Variants in SGCZ observed in about 807,000 individuals in gnomAD.
SGCZ encodes sarcoglycan zeta.
In SGCZ, 40 loss-of-function variants were observed where a neutral mutation model predicts 41.3. The ratio of observed to expected loss-of-function variants is 0.97; its 90% CI spans 0.75 to 1.26. The LOEUF (loss-of-function observed/expected upper bound fraction) is 1.26. Among genes scored for constraint, SGCZ ranks in the 50% most tolerant of loss-of-function variants. SGCZ has a pLI of 0.00. For synonymous variants in SGCZ, 206 were observed against 137.5 expected, an observed-to-expected ratio of 1.50 and a Z score of -3.49; for missense variants, 552 against 369.8, an observed-to-expected ratio of 1.49 and a Z score of -4.04.
intron 2 of SGCZ, among the ~76,000 whole-genome samples, chr8:14,544,112 G>A (rs746284389): frequency 3.3e-5 from 5 of 152,080 alleles, no homozygotes; most frequent in Non-Finnish European, 7.4e-5. Context: ...GACCCCAAAC[G>A]GAGGGACTGG....
intron 1 of SGCZ, among the ~76,000 whole-genome samples, chr8:14,674,964 A>G (rs1585173242): frequency 2.8e-5 from 2 of 71,540 alleles, no homozygotes; most frequent in Non-Finnish European, 2.0e-5. Context: ...TTTGAGATGG[A>G]GTCTCCCTCT....
chr8:14,448,794 A>G (rs1276538762), intron 2 of SGCZ, among the ~76,000 whole-genome samples: 1 of 152,172 alleles, frequency 6.6e-6, no homozygotes, highest in Non-Finnish European at 1.5e-5. Context: ...CGTCTGCCCT[A>G]CCAGTCTTTC....
chr8:14,847,324 G>A (rs1803165871), intron 1 of SGCZ, among the ~76,000 whole-genome samples: 1 of 151,990 alleles, frequency 6.6e-6, no homozygotes, highest in Admixed American at 6.6e-5. Flanking sequence ...TAAAATAGAA[G>A]TTTGTGGACC....
chr8:14,245,366 T>C (rs949977484), intron 3 of SGCZ, among the ~76,000 whole-genome samples: 10 of 152,154 alleles, frequency 6.6e-5, no homozygotes, highest in African/African-American at 1.4e-4. Context: ...ATTTAATAAA[T>C]GGTGCTGGGA....
chr8:14,551,491 ATATATAT>A (rs1272295919), intron 2 of SGCZ, among the ~76,000 whole-genome samples: 4 of 3,708 alleles, frequency 1.1e-3, no homozygotes, highest in Admixed American at 4.3e-3. Flanking sequence ...TATATATATT[ATATATAT>A]TATATATATT....
chr8:14,355,343 T>G (rs1803255863), intron 2 of SGCZ, among the ~76,000 whole-genome samples: 2 of 152,116 alleles, frequency 1.3e-5, no homozygotes, highest in African/African-American at 4.8e-5. Flanking sequence ...ATAATTTAAT[T>G]GTTAATCATG....
chr8:14,857,925 T>C (rs1438509167), intron 1 of SGCZ, among the ~76,000 whole-genome samples: 1 of 152,084 alleles, frequency 6.6e-6, no homozygotes. Flanking sequence ...CACCCCATAC[T>C]AACACACTTG....
chr8:14,136,809 C>T (rs1337011936), intron 5 of SGCZ, among the ~76,000 whole-genome samples: 2 of 152,154 alleles, frequency 1.3e-5, no homozygotes, highest in Non-Finnish European at 2.9e-5. Flanking sequence ...GGTTCTCCCA[C>T]CATGGAGTTT....
chr8:14,549,476 A>T (rs1053766527), intron 2 of SGCZ, among the ~76,000 whole-genome samples: 1 of 152,106 alleles, frequency 6.6e-6, no homozygotes, highest in African/African-American at 2.4e-5. Flanking sequence ...AAAACATTAA[A>T]TTTGAAGATC....
chr8:15,115,409 A>T (rs1488121785), intron 1 of SGCZ, among the ~76,000 whole-genome samples: 1 of 152,240 alleles, frequency 6.6e-6, no homozygotes, highest in Admixed American at 6.5e-5. Context: ...GGATGTACAT[A>T]AGCAATAGTA....
chr8:14,580,100 C>T (rs1189679949), intron 1 of SGCZ, among the ~76,000 whole-genome samples: 1 of 152,090 alleles, frequency 6.6e-6, no homozygotes, highest in East Asian at 1.9e-4. Flanking sequence ...AAGGAAAGGT[C>T]CCGGAGAAAG....
chr8:14,320,645 C>G (rs1801886942), intron 3 of SGCZ, among the ~76,000 whole-genome samples: 1 of 151,918 alleles, frequency 6.6e-6, no homozygotes, highest in African/African-American at 2.4e-5. Flanking sequence ...AAAAGCAGAG[C>G]CTTATTCACA....
At chr8:15,147,636 C>T (rs73665388) in intron 1 of SGCZ, among the ~76,000 whole-genome samples, 149 of 152,218 alleles carry the variant, frequency 9.8e-4, no homozygotes, top group African/African-American at 3.0e-3. Flanking sequence ...GGGCAGGACA[C>T]GATCCCTTAT....
intron 3 of SGCZ, among the ~76,000 whole-genome samples, chr8:14,303,339 T>C (rs893694879): frequency 2.6e-5 from 4 of 152,082 alleles, no homozygotes; most frequent in Non-Finnish European, 5.9e-5. Flanking sequence ...AGGGTTACTT[T>C]GAAGATAAAA....
intron 1 of SGCZ, among the ~76,000 whole-genome samples, chr8:14,726,494 A>C (rs1221986858): frequency 6.6e-6 from 1 of 151,612 alleles, no homozygotes; most frequent in Non-Finnish European, 1.5e-5. Flanking sequence ...AAAAAACAAC[A>C]TTTTAGATGG....
chr8:14,485,307 G>A lies in SGCZ; in HGVS notation c.234+69425C>T, dbSNP rs12678302. ...GCTGGAATGCAGTGGCATGATCTTG[G>A]CTCACTGCAACCTTGGCCTCCTGGG... On this transcript the variant is annotated intron_variant, in intron 2 of 7. Coordinates refer to ENST00000382080, the MANE Select transcript of SGCZ (RefSeq NM_139167.4). Among the ~76,000 whole-genome samples, 41 of 152,238 alleles carry A rather than the reference G, an allele frequency of 2.7e-4. 1 individual carries two copies. The East Asian group carries it at 6.4e-3, about 24-fold the overall frequency.
In SGCZ at chr8:14,243,084, GGTAT is replaced by G. The variant is rs150905148; in HGVS notation, c.337-5409_337-5406del. ...GTCTCCTCAGATTCCAAATGAGGAG[GGTAT>G]GTTATAAACTGTCATCTGCCTACAC... is the stretch of plus-strand genomic sequence containing the variant. On this transcript the variant is annotated intron_variant, in intron 3 of 7. Transcript: ENST00000382080. 2.7e-3 allele frequency among the ~76,000 whole-genome samples: 417 copies of G among 152,172 alleles called. 5 individuals carry two copies. Among genetic ancestry groups the G allele is most frequent in the African/African-American group, 7.9e-3 (327 of 41,500 alleles).
intron 1 of SGCZ, among the ~76,000 whole-genome samples, chr8:14,938,478 T>G (rs1800158159): frequency 6.6e-6 from 1 of 152,226 alleles, no homozygotes; most frequent in African/African-American, 2.4e-5. Flanking sequence ...ATATTTTGTC[T>G]TCCCTATAAT....
intron 1 of SGCZ, among the ~76,000 whole-genome samples, chr8:14,965,519 T>A (rs1460455431): frequency 3.3e-5 from 5 of 152,058 alleles, no homozygotes; most frequent in African/African-American, 1.2e-4. Context: ...CAAGAATAAG[T>A]GGGATATTAT....
Sources: allele counts gnomAD v4.1 joint callset (sites outside exome capture counted in the v4.1 genomes callset), GRCh38; gene constraint gnomAD v4.1.1; transcripts MANE v1.5; gene names NCBI Gene and HGNC (gene_info 2026-07-23, HGNC 2026-07-21).